Variants in PCDHGB6 observed in about 807,000 individuals in gnomAD.
The protein encoded by PCDHGB6 is protocadherin gamma-B6.
PCDHGB6 carries 51 observed loss-of-function variants against 59.1 expected under a neutral mutation model. The observed-to-expected ratio is 0.86, with a 90% CI of 0.69 to 1.09. PCDHGB6 has a LOEUF of 1.09. Among genes scored for constraint, PCDHGB6 ranks in the 50% least tolerant of loss-of-function variants. The pLI is 0.00. For missense variants in PCDHGB6, 1,148 were observed against 1,205.1 expected (o/e 0.95, Z 0.70); for synonymous variants, 466 against 495.1 (o/e 0.94, Z 0.78).
At position 141,490,370 on chromosome 5, in the gene PCDHGB6, G is replaced by C. The variant is rs768474199; in HGVS notation, c.2419-4437G>C. ...GTGGGGTTGTTTAATGTGCGAGACC[G>C]GGACTCAGGTAGAAATGGTGAAGTG... On this transcript the variant is annotated intron_variant, in intron 1 of 3. Coordinates refer to ENST00000520790, the MANE Select transcript of PCDHGB6 (RefSeq NM_018926.3). The surrounding 1 kb of genome is among the most constrained non-coding windows in gnomAD (Gnocchi z 5.4). 1 of 1,614,172 alleles carries C rather than the reference G, an allele frequency of 6.2e-7. No individual in the cohort carries two copies. Among genetic ancestry groups the C allele is most frequent in the Admixed American group, 1.7e-5 (1 of 60,026 alleles).
In PCDHGB6 at chr5:141,431,710, G is replaced by A. The variant is rs1249423969; in HGVS notation, c.2418+21090G>A. On this transcript the variant is annotated intron_variant, in intron 1 of 3. Coordinates refer to ENST00000520790, the MANE Select transcript of PCDHGB6 (RefSeq NM_018926.3). The surrounding 1 kb of genome is among the most constrained non-coding windows in gnomAD (Gnocchi z 4.8). ...ACGAGGAGTCAGGATTCTACCAGAT[G>A]GAAGTGCAAGCAATGGATAATGCAG... is the stretch of plus-strand genomic sequence containing the variant. 3.1e-6 allele frequency: 5 copies of A among 1,614,116 alleles called. No individual in the cohort carries two copies. Among genetic ancestry groups the A allele is most frequent in the South Asian group, 1.1e-5 (1 of 91,088 alleles).
chr5:141,503,912 AAC>A lies in PCDHGB6; in HGVS notation c.2478-1471_2478-1470del, dbSNP rs34419983. Among the ~76,000 whole-genome samples, 284 of 152,278 alleles carry A rather than the reference AAC, an allele frequency of 1.9e-3. 1 individual carries two copies. The highest frequency in any genetic ancestry group is 0.014 in the Middle Eastern group (4 of 292). Reference sequence around the variant, plus strand: ...GACAAAATATGCACACACACAACGCAACACACACACAGACATTTTCATGCCTT... The same window carrying A: ...GACAAAATATGCACACACACAACGCAACACACACAGACATTTTCATGCCTT... On this transcript the variant is annotated intron_variant, in intron 2 of 3. Coordinates refer to ENST00000520790, the MANE Select transcript of PCDHGB6 (RefSeq NM_018926.3).
At chr5:141,427,617 G>A (rs1295636754) in intron 1 of PCDHGB6, 3 of 694,694 alleles carry the variant, frequency 4.3e-6, no homozygotes, top group Admixed American at 2.0e-5. Flanking sequence ...TGAAGTCAAC[G>A]ACAATGCTCC....
At chr5:141,410,693 A>C in intron 1 of PCDHGB6, 73 bp downstream of exon 1, 1 of 1,496,902 alleles carries the variant, frequency 6.7e-7, no homozygotes, top group Non-Finnish European at 8.9e-7. Flanking sequence ...ATACTACTTT[A>C]TTTTCATATC....
rs2096315825 is a variant in PCDHGB6 at position 141,419,028 on chromosome 5, T to C, written c.2418+8408T>C. On this transcript the variant is annotated intron_variant, in intron 1 of 3. Coordinates refer to ENST00000520790, the MANE Select transcript of PCDHGB6 (RefSeq NM_018926.3). ...GTCAGGTGTAGCTTAAGTAGAGGTG[T>C]TCCATTTAAGATTCATTCTTCTTCT... 5.0e-6 allele frequency: 8 copies of C among 1,613,638 alleles called. No individual in the cohort carries two copies. The South Asian group carries it at 8.8e-5, about 18-fold the overall frequency.
chr5:141,511,147 A>T lies in PCDHGB6; in HGVS notation c.2767A>T (p.Lys923Ter). The change falls in exon 4 of 4, where the codon AAG becomes TAG. Residue 923 changes from lysine to a stop codon, truncating the protein, a stop_gained. Coordinates refer to ENST00000520790, the MANE Select transcript of PCDHGB6 (RefSeq NM_018926.3). LOFTEE classifies it high-confidence loss of function. Reference sequence around the variant, plus strand: ...AGCAGGTGGCAATGGCAACAAGAAGAAGTCGGGCAAGAAGGAGAAGAAGTA... The same window carrying T: ...AGCAGGTGGCAATGGCAACAAGAAGTAGTCGGGCAAGAAGGAGAAGAAGTA... The part of the protein sequence containing the change: ...APAGGNGNKK[K>*]SGKKEKK 1 of 1,614,188 alleles carries T rather than the reference A, an allele frequency of 6.2e-7. No homozygotes were observed. Among genetic ancestry groups the T allele is most frequent in the East Asian group, 2.2e-5 (1 of 44,876 alleles).
At chr5:141,454,977 T>C (rs1357011192) in intron 1 of PCDHGB6, among the ~76,000 whole-genome samples, 6 of 151,508 alleles carry the variant, frequency 4.0e-5, no homozygotes, top group Non-Finnish European at 8.8e-5. Context: ...CTGGCTAATT[T>C]TTTAAAAAAT....
chr5:141,451,978 T>A (rs1329730658), intron 1 of PCDHGB6, among the ~76,000 whole-genome samples: 1 of 152,188 alleles, frequency 6.6e-6, no homozygotes, highest in Non-Finnish European at 1.5e-5. Flanking sequence ...TTTGCTGTAG[T>A]TTGTTCATTA....
rs369227893 is a variant in PCDHGB6, at chr5:141,419,063, T to A, written c.2418+8443T>A. 47 of 1,613,840 alleles carry A rather than the reference T, an allele frequency of 2.9e-5. No homozygotes were observed. The highest frequency in any genetic ancestry group is 4.0e-5 in the Non-Finnish European group (47 of 1,179,904). On this transcript the variant is annotated intron_variant, in intron 1 of 3. Coordinates refer to ENST00000520790, the MANE Select transcript of PCDHGB6 (RefSeq NM_018926.3). ...GATTCATTCTTCTTCTAATAATTACTACAAGCTAGTAACAGATGAGGCCCT... is the reference window on the plus strand; with the variant it reads ...GATTCATTCTTCTTCTAATAATTACAACAAGCTAGTAACAGATGAGGCCCT...
intron 2 of PCDHGB6, among the ~76,000 whole-genome samples, chr5:141,495,662 C>G (rs545912968): frequency 6.6e-6 from 1 of 152,138 alleles, no homozygotes; most frequent in Admixed American, 6.6e-5. Flanking sequence ...TGATCTGTGC[C>G]GCCCACTGTG....
chr5:141,496,984 G>C (rs938752499), intron 2 of PCDHGB6, among the ~76,000 whole-genome samples: 1 of 151,896 alleles, frequency 6.6e-6, no homozygotes, highest in Admixed American at 6.6e-5. Context: ...TCAGGGGTTT[G>C]AGACCAGCCT....
At chr5:141,430,743 T>C in intron 1 of PCDHGB6, 1 of 1,498,372 alleles carries the variant, frequency 6.7e-7, no homozygotes, top group Non-Finnish European at 8.9e-7. Flanking sequence ...TGAAAATAAT[T>C]CTGGAGGAAG....
chr5:141,495,943 CTGT>C (rs1324780860), intron 2 of PCDHGB6, among the ~76,000 whole-genome samples: 1 of 152,010 alleles, frequency 6.6e-6, no homozygotes, highest in Non-Finnish European at 1.5e-5. Flanking sequence ...GTCTCTGTGC[CTGT>C]TGTCTTTTTC....
chr5:141,408,669 C>T lies in PCDHGB6; in HGVS notation c.467C>T (p.Pro156Leu), dbSNP rs2095146839. ...ASAGTRLSLD[P>L]ATDPDININS... ...GCTGGTACACGACTATCGCTTGACCCTGCCACGGATCCTGATATAAACATA... is the reference window on the plus strand; with the variant it reads ...GCTGGTACACGACTATCGCTTGACCTTGCCACGGATCCTGATATAAACATA... The change falls in exon 1 of 4, where the codon CCT becomes CTT. Residue 156 changes from proline to leucine, a missense_variant. Physicochemically the swap from Pro to Leu is moderately conservative, Grantham distance 98. Transcript: ENST00000520790. The T allele has an allele frequency of 2.5e-6, 4 of 1,613,988 alleles. No homozygotes were observed. Among genetic ancestry groups the T allele is most frequent in the South Asian group, 2.2e-5 (2 of 91,078 alleles).
Position 141,408,375 on chromosome 5 carries a change from T to C in PCDHGB6, c.173T>C (p.Val58Ala). ...CTCGCTAAGGATCTAGGGCTCAGTG[T>C]CCTGGATGTGTCGGCTCGCAAGCTG... ...GNLAKDLGLS[V>A]LDVSARKLRV... Residue 58 changes from valine (V) to alanine (A), a missense_variant, in exon 1 of 4, where the codon GTC becomes GCC. Transcript: ENST00000520790. 6.2e-7 allele frequency: 1 copy of C among 1,613,972 alleles called. No individual in the cohort carries two copies. The highest frequency in any genetic ancestry group is 8.5e-7 in the Non-Finnish European group (1 of 1,179,862).
At chr5:141,438,396 ACT>A (rs2097958956) in intron 1 of PCDHGB6, among the ~76,000 whole-genome samples, 2 of 150,930 alleles carry the variant, frequency 1.3e-5, no homozygotes, top group African/African-American at 4.9e-5. Context: ...TTCATCATTA[ACT>A]CTCTGAAGTA....
chr5:141,503,045 G>A (rs543484478), intron 2 of PCDHGB6, among the ~76,000 whole-genome samples: 1 of 151,702 alleles, frequency 6.6e-6, no homozygotes, highest in South Asian at 2.1e-4. Context: ...AGTTGAGACA[G>A]GGTTTCACCA....
At chr5:141,414,773 A>G in intron 1 of PCDHGB6, 1 of 1,614,204 alleles carries the variant, frequency 6.2e-7, no homozygotes, top group Non-Finnish European at 8.5e-7. Flanking sequence ...CATGAGCTAC[A>G]GATGCAGGTG....
Position 141,432,503 on chromosome 5 carries a change from G to A in PCDHGB6, c.2418+21883G>A, listed in dbSNP as rs939325676. On this transcript the variant is annotated intron_variant, in intron 1 of 3. Transcript: ENST00000520790. This position sits in a 1 kb window ranked among gnomAD's most constrained non-coding sequence, Gnocchi z 6.0. ...TGGCGTGGAGCTGGCTCCCCGCTCC[G>A]CAGAGCCCGGCTACCTGGTGACCAA... 5 of 1,613,988 alleles carry A rather than the reference G, an allele frequency of 3.1e-6. No individual in the cohort carries two copies. Among genetic ancestry groups the A allele is most frequent in the Non-Finnish European group, 2.5e-6 (3 of 1,180,038 alleles).
Sources: allele counts gnomAD v4.1 joint callset (sites outside exome capture counted in the v4.1 genomes callset), GRCh38; gene constraint gnomAD v4.1.1; non-coding constraint Gnocchi (gnomAD v3.1); transcripts MANE v1.5; gene names NCBI Gene and HGNC (gene_info 2026-07-23, HGNC 2026-07-21).